The following LAP3 variants were observed in gnomAD, a reference collection of about 807,000 sequenced individuals.
LAP3 encodes leucine aminopeptidase 3, also known as cytosol aminopeptidase.
Under a neutral mutation model 58.8 loss-of-function variants are expected in LAP3, and 46 were observed. The observed-to-expected ratio is 0.78, with a 90% confidence interval of 0.62 to 1.00. The LOEUF (loss-of-function observed/expected upper bound fraction) is 1.00. Ranked by LOEUF, LAP3 falls within the 50% of genes least tolerant of loss-of-function variation. The probability of loss-of-function intolerance (pLI) is 0.00; values close to 1 mark genes in which losing one functional copy is unlikely to be tolerated. For synonymous variants in LAP3, 257 were observed against 237.7 expected (o/e 1.08, Z -0.75); for missense variants, 615 against 659.1 (o/e 0.93, Z 0.73).
intron 2 of LAP3, among the ~76,000 whole-genome samples, chr4:17,580,683 T>G (rs934602479): frequency 9.2e-5 from 14 of 152,126 alleles, no homozygotes; most frequent in African/African-American, 3.1e-4. Flanking sequence ...AGGGTTTTGC[T>G]CTTTTATTGC....
intron 7 of LAP3, among the ~76,000 whole-genome samples, chr4:17,594,324 T>C (rs1486365926): frequency 6.6e-6 from 1 of 152,206 alleles, no homozygotes; most frequent in East Asian, 1.9e-4. Context: ...TTATTTTTCT[T>C]CTTTGAGCCA....
chr4:17,607,678 C>T lies in LAP3; in HGVS notation c.*89C>T, dbSNP rs140919287. On this transcript the variant is annotated 3_prime_UTR_variant, in exon 13 of 13. Coordinates refer to ENST00000226299, the MANE Select transcript of LAP3 (RefSeq NM_015907.3). ...GAATAAATGGATGAAAATCTTTTAA[C>T]GGAGACAAAGGATGGTATTTAAAAA... 618 of 1,000,950 alleles carry T rather than the reference C, an allele frequency of 6.2e-4. 3 individuals carry two copies. In the African/African-American group the frequency reaches 8.6e-3, roughly 14 times the overall value. The allele number at this position is 1,000,950 out of a possible 1,614,324, so 62.0% of individuals were successfully genotyped here. A position where few individuals can be genotyped will look rare whatever the true frequency, so the allele number is the denominator to read the frequency against.
At position 17,577,238 on chromosome 4, in the gene LAP3, A is replaced by C. The variant is rs528239825; in HGVS notation, c.-228A>C. 3.0e-4 allele frequency: 109 copies of C among 365,408 alleles called. 1 individual carries two copies. Among genetic ancestry groups the C allele is most frequent in the African/African-American group, 2.5e-3 (98 of 39,270 alleles). The allele number at this position is 365,408 out of a possible 1,614,324, so 22.6% of individuals were successfully genotyped here. On this transcript the variant is annotated 5_prime_UTR_variant, in exon 1 of 13. The change abolishes an upstream ATG in the 5' untranslated region. Coordinates refer to ENST00000226299, the MANE Select transcript of LAP3 (RefSeq NM_015907.3). ...CGCACACGAATGCGGGCGCACACGAATGCGGGCGCACCCTTGAGTCCCCTC... is the reference window on the plus strand; with the variant it reads ...CGCACACGAATGCGGGCGCACACGACTGCGGGCGCACCCTTGAGTCCCCTC...
chr4:17,579,840 T>C lies in LAP3; in HGVS notation c.119T>C (p.Ile40Thr). Residue 40 changes from isoleucine (I) to threonine (T), a missense_variant, in exon 2 of 13, where the codon ATC becomes ACC. By Grantham distance (89) the Ile-to-Thr change is moderately conservative. Transcript: ENST00000226299. Reference protein sequence around the residue: ...ADMTKGLVLGIYSKEKEDDVP... With the variant: ...ADMTKGLVLGTYSKEKEDDVP... ...TATTCCCAGGGCCTTGTTTTAGGAA[T>C]CTATTCCAAAGAAAAAGAAGATGAT... 5 of 1,607,430 alleles carry C rather than the reference T, an allele frequency of 3.1e-6. No homozygotes were observed. Among genetic ancestry groups the C allele is most frequent in the Non-Finnish European group, 3.4e-6 (4 of 1,175,460 alleles).
intron 11 of LAP3, among the ~76,000 whole-genome samples, chr4:17,606,018 C>G (rs1167124535): frequency 1.3e-5 from 2 of 152,292 alleles, no homozygotes; most frequent in East Asian, 3.9e-4. Context: ...GTTTATGTAT[C>G]TGTTTCTCCT....
intron 1 of LAP3, 108 bp downstream of exon 1, chr4:17,577,675 T>C: frequency 1.2e-6 from 1 of 838,836 alleles, no homozygotes; most frequent in Non-Finnish European, 1.8e-6. Context: ...CAAGCCAAGT[T>C]GCAAAAATCA....
chr4:17,598,310 C>T lies in LAP3; in HGVS notation c.1078-146C>T, dbSNP rs1291046919. 15 of 698,548 alleles carry T rather than the reference C, an allele frequency of 2.1e-5. No homozygotes were observed. In the African/African-American group the frequency reaches 2.6e-4, roughly 12 times the overall value. 43.3% of individuals were successfully genotyped at this position (698,548 alleles called of 1,614,324 possible). On this transcript the variant is annotated intron_variant, in intron 9 of 12. Coordinates refer to ENST00000226299, the MANE Select transcript of LAP3 (RefSeq NM_015907.3). The stretch of plus-strand genomic sequence containing the variant: ...ATTTGCTCTCCAGATTAGATATGTT[C>T]CTATTCTCATTGAAGTATGAATGGT...
chr4:17,597,032 A>C lies in LAP3; in HGVS notation c.989-14A>C. 1 of 1,613,700 alleles carries C rather than the reference A, an allele frequency of 6.2e-7. No homozygotes were observed. Among genetic ancestry groups the C allele is most frequent in the Non-Finnish European group, 8.5e-7 (1 of 1,179,638 alleles). On this transcript the variant is annotated splice_polypyrimidine_tract_variant and intron_variant, in intron 8 of 12. Coordinates refer to ENST00000226299, the MANE Select transcript of LAP3 (RefSeq NM_015907.3). Reference sequence around the variant, plus strand: ...CAGTATATACTGTGTGCCTTCATATATTATTTCCAATAGGTCTGGCCCCTC... The same window carrying C: ...CAGTATATACTGTGTGCCTTCATATCTTATTTCCAATAGGTCTGGCCCCTC...
chr4:17,577,621 A>T (rs530504038), intron 1 of LAP3, 54 bp downstream of exon 1: 3 of 1,378,952 alleles, frequency 2.2e-6, no homozygotes, highest in African/African-American at 3.0e-5. Context: ...CCCGTGGGCT[A>T]CTGGGGCTGC....
In LAP3 at chr4:17,588,804, C is replaced by T; in HGVS notation, c.705-15C>T. The T allele has an allele frequency of 1.2e-6, 2 of 1,602,260 alleles. No homozygotes were observed. Among genetic ancestry groups the T allele is most frequent in the African/African-American group, 1.3e-5 (1 of 74,278 alleles). ...GTAACAGTATATTTACTTTTTCCCT[C>T]TTTCTACCCTATAGACCCAAGTCTT... On this transcript the variant is annotated splice_polypyrimidine_tract_variant and intron_variant, in intron 6 of 12. Coordinates refer to ENST00000226299, the MANE Select transcript of LAP3 (RefSeq NM_015907.3).
Position 17,583,518 on chromosome 4 carries a change from T to A in LAP3, c.415T>A (p.Ser139Thr). Reference protein sequence around the residue: ...CRQIQDLELSSVEVDPCGDAQ... With the variant: ...CRQIQDLELSTVEVDPCGDAQ... Reference sequence around the variant, plus strand: ...GCAGATTCAAGACCTGGAGCTCTCGTCTGTGGAGGTGGATCCCTGTGGAGA... The same window carrying A: ...GCAGATTCAAGACCTGGAGCTCTCGACTGTGGAGGTGGATCCCTGTGGAGA... The change falls in exon 5 of 13, where the codon TCT becomes ACT. Residue 139 changes from serine to threonine, a missense_variant. Transcript: ENST00000226299. The A allele has an allele frequency of 5.0e-6, 8 of 1,614,092 alleles. No individual in the cohort carries two copies. The highest frequency in any genetic ancestry group is 5.9e-6 in the Non-Finnish European group (7 of 1,180,020).
rs1285886306 is a variant in LAP3 at position 17,577,545 on chromosome 4, T to C, written c.80T>C (p.Leu27Pro). Reference sequence around the variant, plus strand: ...GTGAGACGTTTCGGGAGCCGGAGTCTCTCCACCGCAGACATGACGAAGGTG... The same window carrying C: ...GTGAGACGTTTCGGGAGCCGGAGTCCCTCCACCGCAGACATGACGAAGGTG... ...LAVRRFGSRS[L>P]STADMTKGLV... The change falls in exon 1 of 13, where the codon CTC (leucine) becomes CCC (proline). Residue 27 changes from leucine to proline, a missense_variant. Coordinates refer to ENST00000226299, the MANE Select transcript of LAP3 (RefSeq NM_015907.3). The C allele has an allele frequency of 4.5e-6, 7 of 1,569,180 alleles. No individual in the cohort carries two copies. Among genetic ancestry groups the C allele is most frequent in the Non-Finnish European group, 5.2e-6 (6 of 1,158,586 alleles).
chr4:17,605,277 G>A (rs1343384802), intron 11 of LAP3, among the ~76,000 whole-genome samples: 6 of 152,110 alleles, frequency 3.9e-5, no homozygotes, highest in Non-Finnish European at 8.8e-5. Context: ...TCCTTTCTTG[G>A]GCTGCCTCCT....
At chr4:17,600,494 G>A (rs913269715) in intron 10 of LAP3, among the ~76,000 whole-genome samples, 1 of 152,106 alleles carries the variant, frequency 6.6e-6, no homozygotes, top group African/African-American at 2.4e-5. Flanking sequence ...CATCAGATAC[G>A]TCAAGTTCTA....
At chr4:17,602,217 A>G (rs1338915621) in intron 10 of LAP3, among the ~76,000 whole-genome samples, 2 of 152,182 alleles carry the variant, frequency 1.3e-5, no homozygotes, top group Non-Finnish European at 1.5e-5. Flanking sequence ...TTTCCTTTCA[A>G]TAAATACTTA....
chr4:17,601,346 G>A (rs73091809), intron 10 of LAP3, among the ~76,000 whole-genome samples: 1 of 152,128 alleles, frequency 6.6e-6, no homozygotes, highest in Non-Finnish European at 1.5e-5. Flanking sequence ...ATCATCTTTA[G>A]AGCCGTGGTC....
chr4:17,590,518 A>G (rs535552196), intron 7 of LAP3, among the ~76,000 whole-genome samples: 1 of 152,298 alleles, frequency 6.6e-6, no homozygotes, highest in African/African-American at 2.4e-5. Context: ...GAAAATATGC[A>G]TGCTTTTTTA....
intron 2 of LAP3, 38 bp downstream of exon 2, chr4:17,579,977 CCCA>C: frequency 8.5e-7 from 1 of 1,180,456 alleles, no homozygotes. Flanking sequence ...TTAAAGTGCC[CCCA>C]AATCGAAACA....
chr4:17,580,186 T>TGTA (rs58358985), intron 2 of LAP3, among the ~76,000 whole-genome samples: 2 of 30,204 alleles, frequency 6.6e-5, no homozygotes, highest in African/African-American at 4.6e-4. Context: ...ATATATGTAT[T>TGTA]TTTTTTTTTT....
Sources: allele counts gnomAD v4.1 joint callset (sites outside exome capture counted in the v4.1 genomes callset), GRCh38; gene constraint gnomAD v4.1.1; transcripts MANE v1.5; gene names NCBI Gene and HGNC (gene_info 2026-07-23, HGNC 2026-07-21).